Variants in STMN3 observed in about 807,000 individuals in gnomAD.
STMN3 encodes stathmin 3, also known as stathmin-3.
Under a neutral mutation model 23.2 loss-of-function variants are expected in STMN3, and 24 were observed. The ratio of observed to expected loss-of-function variants is 1.03; its 90% CI spans 0.75 to 1.45. The LOEUF (loss-of-function observed/expected upper bound fraction) is 1.45. Among genes scored for constraint, STMN3 ranks in the 40% most tolerant of loss-of-function variants. STMN3 has a pLI of 0.00. For synonymous variants in STMN3, 117 were observed against 103.4 expected (o/e 1.13, Z -0.80); for missense variants, 235 against 237.6 (o/e 0.99, Z 0.07).
chr20:63,644,157 GA>G (rs1481269737), intron 2 of STMN3, 56 bp downstream of exon 2: 47 of 1,520,622 alleles, frequency 3.1e-5, no homozygotes, highest in Non-Finnish European at 3.9e-5. Context: ...GAGGCCGGGG[GA>G]AAAGGTGAGG....
At chr20:63,641,605 G>A (rs2089762788) in intron 4 of STMN3, among the ~76,000 whole-genome samples, 3 of 152,200 alleles carry the variant, frequency 2.0e-5, no homozygotes, top group South Asian at 4.1e-4. Context: ...CCTGGGAGCT[G>A]GCTGGGCCCC....
chr20:63,647,741 A>G (rs2089822864), intron 1 of STMN3, among the ~76,000 whole-genome samples: 1 of 121,222 alleles, frequency 8.2e-6, no homozygotes, highest in South Asian at 2.2e-4. Flanking sequence ...ATATATATAC[A>G]CGTGTATATA....
rs11908685 is a variant in STMN3, at chr20:63,649,661, G to A, written c.19+3666C>T. On this transcript the variant is annotated intron_variant, in intron 1 of 4. Coordinates refer to ENST00000370053, the MANE Select transcript of STMN3 (RefSeq NM_015894.4). ...TTCTCCTGCCTCAGCCTCCCGAATA[G>A]CTGGGACTACAGGCGCCCGCCACCA... Among the ~76,000 whole-genome samples, 569 of 152,038 alleles carry A rather than the reference G, an allele frequency of 3.7e-3. 3 individuals are homozygous for A. The highest frequency in any genetic ancestry group is 0.013 in the African/African-American group (551 of 41,458).
chr20:63,646,995 C>T (rs2077652946), intron 1 of STMN3, among the ~76,000 whole-genome samples: 1 of 151,804 alleles, frequency 6.6e-6, no homozygotes, highest in Admixed American at 6.6e-5. Context: ...CCCGCCCGGC[C>T]TACACACCAG....
At chr20:63,641,492 G>C in intron 4 of STMN3, 95 bp from the exon 5 acceptor site, 1 of 1,029,912 alleles carries the variant, frequency 9.7e-7, no homozygotes. Flanking sequence ...CCTGGCACCC[G>C]CCCGGCCTCA....
At chr20:63,641,901 GCCCC>G (rs2089767508) in intron 4 of STMN3, among the ~76,000 whole-genome samples, 1 of 71,880 alleles carries the variant, frequency 1.4e-5, no homozygotes, top group African/African-American at 5.5e-5. Context: ...CCCCGCCCCG[GCCCC>G]TGCCCGCTCC....
At position 63,650,952 on chromosome 20, in the gene STMN3, TTC is replaced by T. The variant is rs1240943593; in HGVS notation, c.19+2373_19+2374del. 4.7e-5 allele frequency among the ~76,000 whole-genome samples: 4 copies of T among 84,924 alleles called. No homozygotes were observed. The Admixed American group carries it at 5.3e-4, about 11-fold the overall frequency. The allele number at this position is 84,924 out of a possible 152,430, so 55.7% of individuals were successfully genotyped here. On this transcript the variant is annotated intron_variant, in intron 1 of 4. Coordinates refer to ENST00000370053, the MANE Select transcript of STMN3 (RefSeq NM_015894.4). Reference sequence around the variant, plus strand: ...TTTCGTCTTCTTCGTCTTCCTCCTCTTCTTTCTTCTTTTTTTTTTTTTTTAGA... The same window carrying T: ...TTTCGTCTTCTTCGTCTTCCTCCTCTTTTCTTCTTTTTTTTTTTTTTTAGA...
At position 63,640,895 on chromosome 20, in the gene STMN3, T is replaced by G; in HGVS notation, c.*443A>C. The stretch of plus-strand genomic sequence containing the variant: ...CCCCTCCCCCGTCGCCCCTCCCTCA[T>G]GGGGAGCCCCTTCCCCCTGGAAAGA... On this transcript the variant is annotated 3_prime_UTR_variant, in exon 5 of 5. Transcript: ENST00000370053. 1 of 249,018 alleles carries G rather than the reference T, an allele frequency of 4.0e-6. No individual in the cohort carries two copies. Among genetic ancestry groups the G allele is most frequent in the Non-Finnish European group, 8.0e-6 (1 of 124,648 alleles). The allele number at this position is 249,018 out of a possible 1,614,324, so 15.4% of individuals were successfully genotyped here.
Position 63,652,730 on chromosome 20 carries a change from G to C in STMN3, c.19+597C>G, listed in dbSNP as rs1414868301. ...TTTCTGGCCAGAGCAGGTGGCGCGG[G>C]CGTCGCAAAGGGTGGTCCCCGAGGC... is the stretch of plus-strand genomic sequence containing the variant. On this transcript the variant is annotated intron_variant, in intron 1 of 4. Coordinates refer to ENST00000370053, the MANE Select transcript of STMN3 (RefSeq NM_015894.4). The surrounding 1 kb of genome is among the most constrained non-coding windows in gnomAD (Gnocchi z 5.3). The C allele has an allele frequency of 1.0e-6, 1 of 985,816 alleles. No homozygotes were observed. Among genetic ancestry groups the C allele is most frequent in the Non-Finnish European group, 1.2e-6 (1 of 830,376 alleles). The allele number at this position is 985,816 out of a possible 1,614,324, so 61.1% of individuals were successfully genotyped here.
Position 63,652,792 on chromosome 20 carries a change from T to C in STMN3, c.19+535A>G. ...GGGGGGAGGGCGCGGTCCCCCTCAC[T>C]CCGGGCTCCGCCGTGTCTGGCCCGC... On this transcript the variant is annotated intron_variant, in intron 1 of 4. Coordinates refer to ENST00000370053, the MANE Select transcript of STMN3 (RefSeq NM_015894.4). The surrounding 1 kb of genome is among the most constrained non-coding windows in gnomAD (Gnocchi z 5.3). 3 of 984,910 alleles carry C rather than the reference T, an allele frequency of 3.0e-6. No homozygotes were observed. The highest frequency in any genetic ancestry group is 3.6e-6 in the Non-Finnish European group (3 of 829,670). The allele number at this position is 984,910 out of a possible 1,614,324, so 61.0% of individuals were successfully genotyped here. A position where few individuals can be genotyped will look rare whatever the true frequency, so the allele number is the denominator to read the frequency against.
In STMN3 at chr20:63,640,897, G is replaced by A. The variant is rs531784880; in HGVS notation, c.*441C>T. On this transcript the variant is annotated 3_prime_UTR_variant, in exon 5 of 5. Coordinates refer to ENST00000370053, the MANE Select transcript of STMN3 (RefSeq NM_015894.4). ...CCTCCCCCGTCGCCCCTCCCTCATG[G>A]GGAGCCCCTTCCCCCTGGAAAGACA... 6.5e-5 allele frequency: 17 copies of A among 261,992 alleles called. No homozygotes were observed. The highest frequency in any genetic ancestry group is 5.6e-4 in the South Asian group (16 of 28,672). The allele number at this position is 261,992 out of a possible 1,614,324, so 16.2% of individuals were successfully genotyped here.
chr20:63,645,542 C>G (rs2089802410), intron 1 of STMN3, among the ~76,000 whole-genome samples: 1 of 152,230 alleles, frequency 6.6e-6, no homozygotes, highest in Non-Finnish European at 1.5e-5. Flanking sequence ...TGTGCCCTGT[C>G]AGGGGAAGAG....
At chr20:63,642,643 C>CAA (rs1311194144) in intron 3 of STMN3, among the ~76,000 whole-genome samples, 1 of 152,222 alleles carries the variant, frequency 6.6e-6, no homozygotes, top group Non-Finnish European at 1.5e-5. Flanking sequence ...GGACCAGCAG[C>CAA]AAGAAACCCT....
At chr20:63,645,760 C>A (rs1260386777) in intron 1 of STMN3, among the ~76,000 whole-genome samples, 3 of 152,170 alleles carry the variant, frequency 2.0e-5, no homozygotes, top group African/African-American at 2.4e-5. Context: ...TGAGACCAGC[C>A]TGACCAACAT....
intron 1 of STMN3, among the ~76,000 whole-genome samples, chr20:63,647,423 T>TAG (rs2089817609): frequency 1.3e-5 from 2 of 150,438 alleles, no homozygotes; most frequent in Non-Finnish European, 3.0e-5. Context: ...GAGACCAGCC[T>TAG]GACCAACATG....
In STMN3 at chr20:63,653,319, G is replaced by T. The variant is rs1288947002; in HGVS notation, c.19+8C>A. ...CCGCCCCACAAAGCCCGTGGCCCCG[G>T]AGCCTACCGGAAATGGTGCTGGCCA... On this transcript the variant is annotated splice_region_variant and intron_variant, in intron 1 of 4. Transcript: ENST00000370053. 6 of 1,547,118 alleles carry T rather than the reference G, an allele frequency of 3.9e-6. No homozygotes were observed. The highest frequency in any genetic ancestry group is 5.2e-6 in the Non-Finnish European group (6 of 1,145,854).
At position 63,651,789 on chromosome 20, in the gene STMN3, G is replaced by C. The variant is rs150952656; in HGVS notation, c.19+1538C>G. Reference sequence around the variant, plus strand: ...GGACAACACCACACAGCTGGAGGAGGTCAGACTCTGGGTTGCAGAAGGAGA... The same window carrying C: ...GGACAACACCACACAGCTGGAGGAGCTCAGACTCTGGGTTGCAGAAGGAGA... On this transcript the variant is annotated intron_variant, in intron 1 of 4. Transcript: ENST00000370053. Among the ~76,000 whole-genome samples, 84 of 152,352 alleles carry C rather than the reference G, an allele frequency of 5.5e-4. No individual in the cohort carries two copies. In the South Asian group the frequency reaches 7.9e-3, roughly 14 times the overall value.
intron 1 of STMN3, 113 bp downstream of exon 1, chr20:63,653,214 A>C: frequency 7.5e-7 from 1 of 1,335,958 alleles, no homozygotes; most frequent in South Asian, 1.3e-5. Context: ...TGCAACGCGC[A>C]GGGTAGGAGA....
intron 1 of STMN3, among the ~76,000 whole-genome samples, chr20:63,647,723 T>TG (rs1569069868): frequency 7.8e-6 from 1 of 127,506 alleles, no homozygotes; most frequent in East Asian, 2.1e-4. Flanking sequence ...TGTATATATA[T>TG]TATATACATA....
Sources: allele counts gnomAD v4.1 joint callset (sites outside exome capture counted in the v4.1 genomes callset), GRCh38; gene constraint gnomAD v4.1.1; non-coding constraint Gnocchi (gnomAD v3.1); transcripts MANE v1.5; gene names NCBI Gene and HGNC (gene_info 2026-07-23, HGNC 2026-07-21).